The following LRRC49 variants were observed in gnomAD, a reference collection of about 807,000 sequenced individuals.
LRRC49 encodes the protein leucine-rich repeat-containing protein 49.
Under a neutral mutation model 83.3 loss-of-function variants are expected in LRRC49, and 50 were observed. The observed-to-expected ratio is 0.60, with a 90% CI of 0.48 to 0.76. The LOEUF (loss-of-function observed/expected upper bound fraction) is 0.76, where lower values mean the gene tolerates loss of function less well. Ranked by LOEUF, LRRC49 falls within the 30% of genes least tolerant of loss-of-function variation. The pLI is 0.00. For missense variants in LRRC49, 704 were observed against 809.1 expected, an observed-to-expected ratio of 0.87 and a Z score of 1.58; for synonymous variants, 286 against 283.3, an observed-to-expected ratio of 1.01 and a Z score of -0.10.
intron 9 of LRRC49, among the ~76,000 whole-genome samples, chr15:70,969,997 G>A (rs1407521740): frequency 6.6e-6 from 1 of 152,124 alleles, no homozygotes; most frequent in Non-Finnish European, 1.5e-5. Flanking sequence ...GCCCTGGCCG[G>A]AACTTCCAAT....
chr15:70,884,458 T>C (rs1163439718), intron 2 of LRRC49, among the ~76,000 whole-genome samples: 1 of 151,852 alleles, frequency 6.6e-6, no homozygotes, highest in Non-Finnish European at 1.5e-5. Context: ...AGGCAGAGGT[T>C]GCAGTGAGCC....
chr15:70,893,785 T>C (rs776737619), intron 2 of LRRC49, 145 bp downstream of exon 2: 1 of 639,442 alleles, frequency 1.6e-6, no homozygotes, highest in African/African-American at 1.9e-5. Context: ...TAGTTCTTAC[T>C]TTCTGCCTAC....
intron 1 of LRRC49, chr15:70,854,044 CG>C: frequency 7.0e-7 from 1 of 1,438,070 alleles, no homozygotes; most frequent in Non-Finnish European, 9.2e-7. Context: ...GGATCTGCAC[CG>C]CCGTCTTGGG....
chr15:70,910,618 A>G (rs546478309), intron 5 of LRRC49, among the ~76,000 whole-genome samples: 6 of 152,208 alleles, frequency 3.9e-5, no homozygotes, highest in Non-Finnish European at 5.9e-5. Context: ...AGCATTTTAC[A>G]AACTGAGCAG....
At chr15:71,039,477 A>G (rs936673675) in intron 15 of LRRC49, among the ~76,000 whole-genome samples, 5 of 152,198 alleles carry the variant, frequency 3.3e-5, no homozygotes, top group Admixed American at 2.6e-4. Flanking sequence ...ACCAAAATGC[A>G]CAGATGCTCA....
intron 2 of LRRC49, among the ~76,000 whole-genome samples, chr15:70,886,731 T>C (rs926172340): frequency 2.0e-5 from 3 of 152,054 alleles, no homozygotes; most frequent in African/African-American, 4.8e-5. Flanking sequence ...CTGGGTGCGG[T>C]GGCAGGCACC....
intron 2 of LRRC49, chr15:70,882,216 C>G: frequency 5.2e-6 from 2 of 387,094 alleles, no homozygotes; most frequent in East Asian, 8.2e-5. Flanking sequence ...AACCTGATTT[C>G]TACCAAAAGG....
chr15:70,967,189 A>G (rs2036823592), intron 9 of LRRC49, among the ~76,000 whole-genome samples: 2 of 152,124 alleles, frequency 1.3e-5, no homozygotes, highest in African/African-American at 4.8e-5. Flanking sequence ...TTGAGTGTAC[A>G]TGGCTGAGGG....
chr15:70,860,075 A>G, intron 1 of LRRC49: 1 of 729,434 alleles, frequency 1.4e-6, no homozygotes, highest in Admixed American at 1.9e-5. Context: ...CTTCAGCCGC[A>G]CCGGCTCCAC....
intron 15 of LRRC49, among the ~76,000 whole-genome samples, chr15:71,045,922 C>G (rs2039841440): frequency 6.6e-6 from 1 of 152,140 alleles, no homozygotes; most frequent in Non-Finnish European, 1.5e-5. Context: ...TTAGCTCCCA[C>G]TTATAAGTGA....
intron 9 of LRRC49, among the ~76,000 whole-genome samples, chr15:70,973,162 A>T (rs905859415): frequency 5.9e-5 from 9 of 151,774 alleles, no homozygotes; most frequent in Non-Finnish European, 1.3e-4. Context: ...CTTTGGATGG[A>T]GTTTTTGCGT....
At position 71,026,907 on chromosome 15, in the gene LRRC49, A is replaced by G. The variant is rs1023969737; in HGVS notation, c.1704-10272A>G. ...TTCTGTAGGTTGCCTGTTCACTCTG[A>G]TGATAGTTTCTTTTGCTGTGCAGAA... On this transcript the variant is annotated intron_variant, in intron 14 of 15. Transcript: ENST00000260382. Among the ~76,000 whole-genome samples, 107 of 152,118 alleles carry G rather than the reference A, an allele frequency of 7.0e-4. 1 individual carries two copies. The highest frequency in any genetic ancestry group is 2.5e-3 in the African/African-American group (104 of 41,510).
intron 8 of LRRC49, among the ~76,000 whole-genome samples, chr15:70,948,679 T>C (rs574981736): frequency 1.3e-5 from 2 of 152,288 alleles, no homozygotes; most frequent in South Asian, 2.1e-4. Context: ...GCTCATCTTA[T>C]ACTTTTGCAG....
intron 3 of LRRC49, among the ~76,000 whole-genome samples, chr15:70,897,309 C>A (rs528457878): frequency 3.7e-4 from 56 of 152,154 alleles, no homozygotes; most frequent in African/African-American, 1.3e-3. Flanking sequence ...AAGTTTTATA[C>A]ATAAGTAATG....
intron 1 of LRRC49, among the ~76,000 whole-genome samples, chr15:70,857,449 TG>T (rs1465367672): frequency 6.6e-6 from 1 of 151,954 alleles, no homozygotes; most frequent in Admixed American, 6.6e-5. Context: ...TGAACCATGA[TG>T]GCACCACTGC....
chr15:70,940,890 T>C (rs966614459), intron 8 of LRRC49, among the ~76,000 whole-genome samples: 1 of 152,224 alleles, frequency 6.6e-6, no homozygotes, highest in African/African-American at 2.4e-5. Context: ...TGAACTCCTC[T>C]TGAGGGGTTT....
intron 6 of LRRC49, among the ~76,000 whole-genome samples, chr15:70,913,631 G>T (rs1408007920): frequency 1.3e-5 from 2 of 152,142 alleles, no homozygotes; most frequent in African/African-American, 4.8e-5. Context: ...AGACTAGAAA[G>T]GTAGGCAACG....
intron 1 of LRRC49, chr15:70,858,629 A>G (rs1245112033): frequency 3.8e-6 from 2 of 526,200 alleles, no homozygotes; most frequent in African/African-American, 1.9e-5. Context: ...AAAACAAACA[A>G]AAAAAGGACC....
chr15:70,867,612 A>G (rs1462152790), intron 1 of LRRC49, among the ~76,000 whole-genome samples: 1 of 152,194 alleles, frequency 6.6e-6, no homozygotes, highest in Non-Finnish European at 1.5e-5. Context: ...TTATCCTCAC[A>G]CTGTCAGACT....
Sources: allele counts gnomAD v4.1 joint callset (sites outside exome capture counted in the v4.1 genomes callset), GRCh38; gene constraint gnomAD v4.1.1; transcripts MANE v1.5; gene names NCBI Gene and HGNC (gene_info 2026-07-23, HGNC 2026-07-21).